Variants in DPP6 observed in about 807,000 individuals in gnomAD.
The protein encoded by DPP6 is dipeptidyl peptidase like 6.
DPP6 carries 69 observed loss-of-function variants against 122.6 expected under a neutral mutation model. That is an observed-to-expected ratio of 0.56 (90% CI 0.46 to 0.69). The LOEUF is 0.69. Ranked by LOEUF, DPP6 falls within the 30% of genes least tolerant of loss-of-function variation. The pLI, the probability that DPP6 is intolerant of heterozygous loss-of-function variation, is 0.00. For missense variants in DPP6, 928 were observed against 1,116.9 expected, an observed-to-expected ratio of 0.83 and a Z score of 2.41; for synonymous variants, 418 against 433.1, an observed-to-expected ratio of 0.97 and a Z score of 0.43.
At chr7:153,876,687 T>C in the DPP6 span, among the ~76,000 whole-genome samples, 1 of 152,100 alleles carries the variant, frequency 6.6e-6, no homozygotes, top group African/African-American at 2.4e-5. Context: ...GGATACTTTA[T>C]GAACCCAACA....
At chr7:153,852,622 C>A in the DPP6 span, among the ~76,000 whole-genome samples, 1 of 152,088 alleles carries the variant, frequency 6.6e-6, no homozygotes, top group Non-Finnish European at 1.5e-5. Context: ...GGACACAGTT[C>A]CAAACCATAT....
At chr7:154,013,861 G>A (rs1798272723) in intron 1 of DPP6, among the ~76,000 whole-genome samples, 1 of 151,462 alleles carries the variant, frequency 6.6e-6, no homozygotes, top group Admixed American at 6.6e-5. Context: ...ACTATCCTTT[G>A]CCTTAGGAAG....
chr7:153,864,713 ACACACACACG>A, the DPP6 span, among the ~76,000 whole-genome samples: 2 of 125,888 alleles, frequency 1.6e-5, no homozygotes, highest in East Asian at 2.5e-4. Context: ...ACACACACAC[ACACACACACG>A]TGCTTGGGGA....
chr7:153,933,256 C>T (rs1229542801), intron 1 of DPP6, among the ~76,000 whole-genome samples: 1 of 152,064 alleles, frequency 6.6e-6, no homozygotes, highest in African/African-American at 2.4e-5. Flanking sequence ...TTGCATTTGG[C>T]TTTAATATTC....
rs543706657 is a variant in DPP6, at chr7:154,837,222, GCA to G, written c.1667-16548_1667-16547del. Among the ~76,000 whole-genome samples the G allele has an allele frequency of 5.4e-3, 789 of 147,190 alleles. 3 individuals carry two copies. Among genetic ancestry groups the G allele is most frequent in the African/African-American group, 0.018 (686 of 38,844 alleles). ...CGCACATTCACACATGCACACACATGCACACACACACGCATGCATAAGGCACA... is the reference window on the plus strand; with the variant it reads ...CGCACATTCACACATGCACACACATGCACACACACGCATGCATAAGGCACA... On this transcript the variant is annotated intron_variant, in intron 16 of 25. Transcript: ENST00000377770.
chr7:154,527,669 T>C (rs1827513407), intron 3 of DPP6, among the ~76,000 whole-genome samples: 2 of 152,292 alleles, frequency 1.3e-5, no homozygotes, highest in Admixed American at 1.3e-4. Flanking sequence ...TCTATTACTA[T>C]GTAGGGATTC....
chr7:154,823,632 C>T (rs543170746), intron 16 of DPP6, among the ~76,000 whole-genome samples: 16 of 152,278 alleles, frequency 1.1e-4, no homozygotes, highest in Non-Finnish European at 1.9e-4. Flanking sequence ...TATGGACATA[C>T]GGTGAAGGTG....
the DPP6 span, among the ~76,000 whole-genome samples, chr7:153,869,629 C>T: frequency 7.9e-5 from 12 of 152,210 alleles, no homozygotes; most frequent in Admixed American, 3.9e-4. Context: ...GTCTTTTAAT[C>T]GGAGCATTTA....
rs1342352972 is a variant in DPP6 at position 154,483,170 on chromosome 7, A to G, written c.457+8133A>G. On this transcript the variant is annotated intron_variant, in intron 3 of 25. Transcript: ENST00000377770. This position sits in a 1 kb window ranked among gnomAD's most constrained non-coding sequence, Gnocchi z 8.1. ...GCAGGAGGAGAACTTCTACCACGCCACGTCAAAGTCAAGGCAGGAGAAAAT... is the reference window on the plus strand; with the variant it reads ...GCAGGAGGAGAACTTCTACCACGCCGCGTCAAAGTCAAGGCAGGAGAAAAT... Among the ~76,000 whole-genome samples, 1 of 152,082 alleles carries G rather than the reference A, an allele frequency of 6.6e-6. No homozygotes were observed. Among genetic ancestry groups the G allele is most frequent in the Non-Finnish European group, 1.5e-5 (1 of 68,010 alleles).
rs576522003 is a variant in DPP6, at chr7:154,794,304, T to G, written c.1260+102T>G. On this transcript the variant is annotated intron_variant, in intron 11 of 25. Coordinates refer to ENST00000377770, the MANE Select transcript of DPP6 (RefSeq NM_130797.4). ...CGTCTCAGCCCTCGGGCCTGGGACTTGGGGACCGGCCGCCCAGCTGCTGCG... is the reference window on the plus strand; with the variant it reads ...CGTCTCAGCCCTCGGGCCTGGGACTGGGGGACCGGCCGCCCAGCTGCTGCG... The G allele has an allele frequency of 1.1e-5, 15 of 1,401,758 alleles. No individual in the cohort carries two copies. The South Asian group carries it at 2.1e-4, about 20-fold the overall frequency. 86.8% of individuals were successfully genotyped at this position (1,401,758 alleles called of 1,614,324 possible).
chr7:153,964,977 TC>T (rs1563055784), intron 1 of DPP6, among the ~76,000 whole-genome samples: 34 of 102,826 alleles, frequency 3.3e-4, no homozygotes, highest in African/African-American at 1.6e-3. Context: ...TCATTTCTTT[TC>T]CCTTCCTTCC....
chr7:153,838,158 A>T, the DPP6 span, among the ~76,000 whole-genome samples: 1 of 152,172 alleles, frequency 6.6e-6, no homozygotes, highest in East Asian at 1.9e-4. Context: ...CACAAACTTC[A>T]TACTGGGCAT....
chr7:154,575,375 A>AGTG (rs1586662725), intron 5 of DPP6, among the ~76,000 whole-genome samples: 6 of 34,770 alleles, frequency 1.7e-4, no homozygotes, highest in Admixed American at 3.8e-4. Context: ...ATGTGTGTGT[A>AGTG]TGTGTGTGAT....
intron 1 of DPP6, among the ~76,000 whole-genome samples, chr7:154,257,191 G>T (rs1802712752): frequency 6.6e-6 from 1 of 151,818 alleles, no homozygotes; most frequent in African/African-American, 2.4e-5. Context: ...TTCTTGCTAT[G>T]TTGCCCAGGC....
chr7:153,830,275 T>G, the DPP6 span, among the ~76,000 whole-genome samples: 1 of 152,228 alleles, frequency 6.6e-6, no homozygotes, highest in African/African-American at 2.4e-5. Context: ...GGAAGAAATA[T>G]GTAACTCTTC....
At chr7:154,749,139 CGGCTTT>C (rs1843193136) in intron 8 of DPP6, among the ~76,000 whole-genome samples, 1 of 109,808 alleles carries the variant, frequency 9.1e-6, no homozygotes, top group Non-Finnish European at 1.8e-5. Flanking sequence ...AGAAGGATGG[CGGCTTT>C]ACTGAGAGAG....
In DPP6 at chr7:154,887,770, C is replaced by T. The variant is rs368163368; in HGVS notation, c.2304+36C>T. The T allele has an allele frequency of 6.8e-6, 11 of 1,611,114 alleles. No homozygotes were observed. In the African/African-American group the frequency reaches 1.5e-4, roughly 22 times the overall value. ...GCACAACTAGAGAATGTGATGAGAC[C>T]AGTCAGCCTCTGCCACAGTCTCCCA... is the stretch of plus-strand genomic sequence containing the variant. On this transcript the variant is annotated intron_variant, in intron 23 of 25. Transcript: ENST00000377770.
chr7:154,331,492 C>G (rs1306486896), intron 1 of DPP6, among the ~76,000 whole-genome samples: 1 of 152,126 alleles, frequency 6.6e-6, no homozygotes, highest in African/African-American at 2.4e-5. Flanking sequence ...GATTTTGTGG[C>G]CCTTGAATTC....
chr7:154,145,255 G>C (rs564128048), intron 1 of DPP6, among the ~76,000 whole-genome samples: 1 of 152,188 alleles, frequency 6.6e-6, no homozygotes, highest in African/African-American at 2.4e-5. Flanking sequence ...AGAGACTTTG[G>C]ATGGCCTCTA....
Sources: gnomAD v4.1 joint callset for allele counts (sites outside exome capture counted in the v4.1 genomes callset) on GRCh38, gnomAD v4.1.1 for gene constraint, Gnocchi (gnomAD v3.1) non-coding constraint, MANE v1.5 for transcripts, NCBI Gene and HGNC (gene_info 2026-07-23, HGNC 2026-07-21) for gene names.